SDC2: variants seen among roughly 807,000 people sequenced by gnomAD.
SDC2 encodes the protein syndecan-2.
In SDC2, 13 loss-of-function variants were observed where a neutral mutation model predicts 22.2. That is an observed-to-expected ratio of 0.59 (90% CI 0.38 to 0.93). The LOEUF is 0.93. Among genes scored for constraint, SDC2 ranks in the 40% least tolerant of loss-of-function variants. The probability of loss-of-function intolerance (pLI) is 0.00; values close to 1 mark genes in which losing one functional copy is unlikely to be tolerated. For missense variants in SDC2, 235 were observed against 246.8 expected, an observed-to-expected ratio of 0.95 and a Z score of 0.32; for synonymous variants, 94 against 92.8, an observed-to-expected ratio of 1.01 and a Z score of -0.07.
intron 2 of SDC2, among the ~76,000 whole-genome samples, chr8:96,598,630 A>G (rs1814922633): frequency 6.6e-6 from 1 of 152,036 alleles, no homozygotes. Context: ...ATAAATAAAT[A>G]AATAACAAAA....
chr8:96,611,198 G>A lies in SDC2; in HGVS notation c.*1650G>A, dbSNP rs987128935. Reference sequence around the variant, plus strand: ...TAGGATTGAAGTGGCTGGAAAGAGTGATGCCTGGGGAAGGAGATGGAGTTA... The same window carrying A: ...TAGGATTGAAGTGGCTGGAAAGAGTAATGCCTGGGGAAGGAGATGGAGTTA... On this transcript the variant is annotated 3_prime_UTR_variant, in exon 5 of 5. Coordinates refer to ENST00000302190, the MANE Select transcript of SDC2 (RefSeq NM_002998.4). 6.6e-6 allele frequency: 1 copy of A among 152,418 alleles called. No homozygotes were observed. Among genetic ancestry groups the A allele is most frequent in the Non-Finnish European group, 1.5e-5 (1 of 68,044 alleles). 9.4% of individuals were successfully genotyped at this position (152,418 alleles called of 1,614,324 possible).
chr8:96,519,526 C>A (rs1050979862), intron 1 of SDC2, among the ~76,000 whole-genome samples: 5 of 151,876 alleles, frequency 3.3e-5, no homozygotes, highest in African/African-American at 1.2e-4. Context: ...GAGAACACAT[C>A]ATAATATCAC....
intron 1 of SDC2, among the ~76,000 whole-genome samples, chr8:96,497,904 A>G (rs13270556): frequency 0.24 from 37,243 of 152,192 alleles, 4,860 homozygotes; most frequent in Non-Finnish European, 0.31. Context: ...TTCCCAAGGC[A>G]GAAGGGTGCA....
At chr8:96,554,523 C>T (rs1157975286) in intron 1 of SDC2, among the ~76,000 whole-genome samples, 1 of 152,028 alleles carries the variant, frequency 6.6e-6, no homozygotes, top group African/African-American at 2.4e-5. Context: ...TGTTAATTTG[C>T]TGAACACTTT....
intron 1 of SDC2, among the ~76,000 whole-genome samples, chr8:96,541,365 G>A (rs1813846200): frequency 1.3e-5 from 2 of 151,962 alleles, no homozygotes; most frequent in African/African-American, 2.4e-5. Flanking sequence ...AAATTAGCTG[G>A]ACATGGCGGT....
chr8:96,572,173 G>A (rs1814407304), intron 1 of SDC2, among the ~76,000 whole-genome samples: 1 of 152,166 alleles, frequency 6.6e-6, no homozygotes, highest in African/African-American at 2.4e-5. Context: ...GACAATGAGA[G>A]GCAACCCTAC....
intron 1 of SDC2, among the ~76,000 whole-genome samples, chr8:96,543,865 C>T (rs930642774): frequency 2.0e-5 from 3 of 152,130 alleles, no homozygotes; most frequent in Admixed American, 6.6e-5. Flanking sequence ...AGTTATCTGG[C>T]GGTATTGCTT....
intron 1 of SDC2, among the ~76,000 whole-genome samples, chr8:96,527,952 T>C (rs1441085624): frequency 6.6e-6 from 1 of 152,208 alleles, no homozygotes; most frequent in African/African-American, 2.4e-5. Context: ...AAACTTCTAC[T>C]ACCAAATATT....
At chr8:96,533,927 C>T (rs112401694) in intron 1 of SDC2, among the ~76,000 whole-genome samples, 3,240 of 152,204 alleles carry the variant, frequency 0.021, 113 homozygotes, top group African/African-American at 0.073. Context: ...TTGGGCATGG[C>T]GGGCTGCAGG....
chr8:96,577,090 T>A (rs1219516978), intron 1 of SDC2, among the ~76,000 whole-genome samples: 1 of 152,240 alleles, frequency 6.6e-6, no homozygotes, highest in Non-Finnish European at 1.5e-5. Flanking sequence ...TATCTGTTGC[T>A]GGCATCTTGC....
intron 1 of SDC2, chr8:96,584,997 C>T (rs1814657937): frequency 6.6e-6 from 1 of 152,200 alleles, no homozygotes; most frequent in African/African-American, 2.4e-5. Flanking sequence ...AATCTGAACC[C>T]ATTACCACAA....
chr8:96,579,512 G>C (rs1814557033), intron 1 of SDC2, among the ~76,000 whole-genome samples: 2 of 152,188 alleles, frequency 1.3e-5, no homozygotes, highest in Admixed American at 6.5e-5. Context: ...GTTCAGTCAG[G>C]ATGTGACCAC....
At chr8:96,565,243 C>T (rs1483815730) in intron 1 of SDC2, among the ~76,000 whole-genome samples, 1 of 151,014 alleles carries the variant, frequency 6.6e-6, no homozygotes, top group South Asian at 2.1e-4. Context: ...CGCCACCACA[C>T]CCAGCTAATT....
intron 1 of SDC2, among the ~76,000 whole-genome samples, chr8:96,541,058 T>A (rs973019590): frequency 1.7e-4 from 12 of 70,320 alleles, no homozygotes; most frequent in African/African-American, 6.7e-4. Flanking sequence ...TTTAATTGAT[T>A]AAAAGGTATT....
chr8:96,511,560 C>T (rs1241785260), intron 1 of SDC2, among the ~76,000 whole-genome samples: 3 of 152,172 alleles, frequency 2.0e-5, no homozygotes. Context: ...GGTAGAACAG[C>T]TGTTTTGGCT....
chr8:96,567,106 G>A (rs754621037), intron 1 of SDC2, among the ~76,000 whole-genome samples: 3 of 152,162 alleles, frequency 2.0e-5, no homozygotes, highest in Non-Finnish European at 2.9e-5. Context: ...CACCTGCCTC[G>A]GCTTCCCAAA....
intron 1 of SDC2, among the ~76,000 whole-genome samples, chr8:96,558,334 A>G (rs573116097): frequency 1.3e-5 from 2 of 152,176 alleles, no homozygotes; most frequent in East Asian, 3.9e-4. Flanking sequence ...GAGTTGGCTT[A>G]TGGTGTTTTG....
chr8:96,562,948 T>C (rs1376804260), intron 1 of SDC2, among the ~76,000 whole-genome samples: 1 of 151,858 alleles, frequency 6.6e-6, no homozygotes, highest in Non-Finnish European at 1.5e-5. Flanking sequence ...TTCCTGACAA[T>C]ATTTCCTAAC....
In SDC2 at chr8:96,609,437, G is replaced by C; in HGVS notation, c.495G>C (p.Leu165=). The C allele has an allele frequency of 1.9e-6, 3 of 1,613,436 alleles. No individual in the cohort carries two copies. Among genetic ancestry groups the C allele is most frequent in the African/African-American group, 1.3e-5 (1 of 74,974 alleles). The change falls in exon 5 of 5, where the codon CTG becomes CTC. Residue 165 remains leucine, a synonymous_variant. Coordinates refer to ENST00000302190, the MANE Select transcript of SDC2 (RefSeq NM_002998.4). ...TTCTCTTTGCAATTTTTCTTATCCT[G>C]CTGTTGGTGTATCGCATGAGAAAGA... ...IGFLFAIFLI[L]LLVYRMRKKD...
Sources: allele counts gnomAD v4.1 joint callset (sites outside exome capture counted in the v4.1 genomes callset), GRCh38; gene constraint gnomAD v4.1.1; transcripts MANE v1.5; gene names NCBI Gene and HGNC (gene_info 2026-07-23, HGNC 2026-07-21).